The following UGT1A7 variants were observed in gnomAD, a reference collection of about 807,000 sequenced individuals.
UGT1A7 encodes UDP-glucuronosyltransferase 1A7.
A neutral mutation model predicts 45.6 loss-of-function variants in UGT1A7; 33 were observed. That is an observed-to-expected ratio of 0.72 (90% confidence interval 0.55 to 0.97). UGT1A7 has a LOEUF of 0.97. Among genes scored for constraint, UGT1A7 ranks in the 50% least tolerant of loss-of-function variants. The pLI is 0.00. For synonymous variants in UGT1A7, 274 were observed against 250.6 expected, an observed-to-expected ratio of 1.09 and a Z score of -0.88; for missense variants, 684 against 666.2, an observed-to-expected ratio of 1.03 and a Z score of -0.29.
Position 233,682,533 on chromosome 2 carries a change from A to G in UGT1A7, c.596A>G (p.Asp199Gly). Reference protein sequence around the residue: ...YVPRLLLGFSDAMTFKERVWN... With the variant: ...YVPRLLLGFSGAMTFKERVWN... ...CCCAGACTTCTCTTAGGGTTCTCAG[A>G]CGCCATGACTTTCAAGGAGAGAGTA... The change falls in exon 1 of 5, where the codon GAC becomes GGC. Residue 199 changes from aspartate to glycine, a missense_variant. By Grantham distance (94) the Asp-to-Gly change is moderately conservative. Coordinates refer to ENST00000373426, the MANE Select transcript of UGT1A7 (RefSeq NM_019077.3). 1 of 1,613,842 alleles carries G rather than the reference A, an allele frequency of 6.2e-7. No individual in the cohort carries two copies. Among genetic ancestry groups the G allele is most frequent in the Non-Finnish European group, 8.5e-7 (1 of 1,179,824 alleles).
chr2:233,683,629 A>G (rs1418410501), intron 1 of UGT1A7, among the ~76,000 whole-genome samples: 1 of 152,134 alleles, frequency 6.6e-6, no homozygotes, highest in African/African-American at 2.4e-5. Context: ...TTATTTCCAT[A>G]AATAAAATTT....
intron 1 of UGT1A7, chr2:233,760,219 C>A: frequency 6.3e-7 from 1 of 1,593,340 alleles, no homozygotes; most frequent in Non-Finnish European, 8.5e-7. Context: ...CTTGGTGTAT[C>A]GATTGGTTTT....
At chr2:233,742,200 G>A (rs1293437959) in intron 1 of UGT1A7, among the ~76,000 whole-genome samples, 2 of 151,984 alleles carry the variant, frequency 1.3e-5, no homozygotes, top group East Asian at 3.9e-4. Context: ...GAAATCAGGG[G>A]ACTCACAGCC....
At chr2:233,754,816 C>A (rs1436374253) in intron 1 of UGT1A7, 2 of 1,325,550 alleles carry the variant, frequency 1.5e-6, no homozygotes, top group Admixed American at 3.9e-5. Context: ...GAAAAACCAC[C>A]CTCAAAAGCT....
intron 3 of UGT1A7, 26 bp downstream of exon 3, chr2:233,767,962 G>C (rs775218208): frequency 6.2e-7 from 1 of 1,614,120 alleles, no homozygotes; most frequent in Non-Finnish European, 8.5e-7. Context: ...TGGATGTATA[G>C]GTCAAACCAG....
At chr2:233,713,679 C>G in intron 1 of UGT1A7, 1 of 1,613,972 alleles carries the variant, frequency 6.2e-7, no homozygotes, top group Non-Finnish European at 8.5e-7. Context: ...TGTTTCTGCT[C>G]CTTATGCAAG....
intron 1 of UGT1A7, among the ~76,000 whole-genome samples, chr2:233,746,471 A>G (rs538596800): frequency 6.6e-6 from 1 of 151,696 alleles, no homozygotes; most frequent in Non-Finnish European, 1.5e-5. Context: ...GGGTTCCAGA[A>G]ACACTTTCCA....
chr2:233,683,152 A>T (rs1156780425), intron 1 of UGT1A7, among the ~76,000 whole-genome samples: 2 of 152,106 alleles, frequency 1.3e-5, no homozygotes, highest in East Asian at 3.8e-4. Flanking sequence ...ATTGTTTTCA[A>T]TTTTTTTGAA....
At position 233,691,464 on chromosome 2, in the gene UGT1A7, A is replaced by G. The variant is rs995764297; in HGVS notation, c.855+8672A>G. 5.1e-6 allele frequency: 5 copies of G among 985,472 alleles called. No homozygotes were observed. The African/African-American group carries it at 5.2e-5, about 10-fold the overall frequency. 61.0% of individuals were successfully genotyped at this position (985,472 alleles called of 1,614,324 possible). A position where few individuals can be genotyped will look rare whatever the true frequency, so the allele number is the denominator to read the frequency against. ...CTTCTCCCTTCCTGGGCCCCAGAAC[A>G]CCTCCGGTGCCAAACTTGTGGGTGG... is the stretch of plus-strand genomic sequence containing the variant. On this transcript the variant is annotated intron_variant, in intron 1 of 4. Transcript: ENST00000373426.
chr2:233,737,897 T>G (rs1404906155), intron 1 of UGT1A7, among the ~76,000 whole-genome samples: 4 of 152,000 alleles, frequency 2.6e-5, no homozygotes, highest in African/African-American at 9.7e-5. Flanking sequence ...AATTTTCGAG[T>G]GTGGTAAAGA....
intron 1 of UGT1A7, among the ~76,000 whole-genome samples, chr2:233,724,320 G>T (rs1387925983): frequency 6.8e-6 from 1 of 147,864 alleles, no homozygotes; most frequent in Non-Finnish European, 1.5e-5. Flanking sequence ...GGACGGGGCG[G>T]CTGGCCAGGC....
chr2:233,713,956 A>G, intron 1 of UGT1A7: 1 of 1,608,152 alleles, frequency 6.2e-7, no homozygotes. Context: ...TTATCTTTCC[A>G]AAGATTTCAT....
At chr2:233,758,809 A>G (rs563319079) in intron 1 of UGT1A7, among the ~76,000 whole-genome samples, 28 of 152,366 alleles carry the variant, frequency 1.8e-4, no homozygotes, top group Non-Finnish European at 3.7e-4. Flanking sequence ...TGTATAGTAC[A>G]GCAGTATATC....
At chr2:233,759,230 A>AG (rs1697089721) in intron 1 of UGT1A7, among the ~76,000 whole-genome samples, 1 of 152,196 alleles carries the variant, frequency 6.6e-6, no homozygotes, top group African/African-American at 2.4e-5. Flanking sequence ...CAAATGAAGG[A>AG]TGGAAACTTG....
At chr2:233,706,203 G>A (rs543652035) in intron 1 of UGT1A7, among the ~76,000 whole-genome samples, 11 of 152,352 alleles carry the variant, frequency 7.2e-5, no homozygotes, top group African/African-American at 2.6e-4. Flanking sequence ...CCTCCACAAA[G>A]CTGGCCCAGG....
chr2:233,772,626 A>T lies in UGT1A7; in HGVS notation c.*67A>T. On this transcript the variant is annotated 3_prime_UTR_variant, in exon 5 of 5. Coordinates refer to ENST00000373426, the MANE Select transcript of UGT1A7 (RefSeq NM_019077.3). ...AGTCATTTCCAAACTTGAAAACAGA[A>T]TCAGTGTTAAATTCATTTTATTCTT... The T allele has an allele frequency of 3.8e-6, 6 of 1,561,972 alleles. No homozygotes were observed. Among genetic ancestry groups the T allele is most frequent in the Non-Finnish European group, 5.2e-6 (6 of 1,152,668 alleles).
chr2:233,736,555 T>G (rs905446962), intron 1 of UGT1A7, among the ~76,000 whole-genome samples: 2 of 152,246 alleles, frequency 1.3e-5, no homozygotes, highest in African/African-American at 4.8e-5. Flanking sequence ...GCTCCATTGC[T>G]AGCAAGGAGC....
At position 233,772,301 on chromosome 2, in the gene UGT1A7, G is replaced by A. The variant is rs1384880194; in HGVS notation, c.1335G>A (p.Lys445=). ...TCATGCGCCTCTCCAGCCTTCACAA[G>A]GACCGCCCGGTGGAGCCGCTGGACC... ...ENIMRLSSLH[K]DRPVEPLDLA... The change falls in exon 5 of 5, where the codon AAG becomes AAA. Residue 445 remains lysine (K), a synonymous_variant. Transcript: ENST00000373426. The A allele has an allele frequency of 3.7e-6, 6 of 1,614,106 alleles. No individual in the cohort carries two copies. The highest frequency in any genetic ancestry group is 5.1e-6 in the Non-Finnish European group (6 of 1,180,054).
chr2:233,751,617 G>A (rs1403670547), intron 1 of UGT1A7, among the ~76,000 whole-genome samples: 1 of 152,198 alleles, frequency 6.6e-6, no homozygotes, highest in African/African-American at 2.4e-5. Flanking sequence ...GGAGGTGATT[G>A]GATCATGTGT....
Sources: allele counts gnomAD v4.1 joint callset (sites outside exome capture counted in the v4.1 genomes callset), GRCh38; gene constraint gnomAD v4.1.1; transcripts MANE v1.5; gene names NCBI Gene and HGNC (gene_info 2026-07-23, HGNC 2026-07-21).